SNX30: variants seen among roughly 807,000 people sequenced by gnomAD.
SNX30 encodes sorting nexin family member 30.
SNX30 carries 24 observed loss-of-function variants against 46.4 expected under a neutral mutation model. The ratio of observed to expected loss-of-function variants is 0.52; its 90% confidence interval spans 0.37 to 0.73. The LOEUF is 0.73. Ranked by LOEUF, SNX30 falls within the 30% of genes least tolerant of loss-of-function variation. The pLI is 0.00. For synonymous variants in SNX30, 189 were observed against 211.5 expected, an observed-to-expected ratio of 0.89 and a Z score of 0.92; for missense variants, 533 against 555.7, an observed-to-expected ratio of 0.96 and a Z score of 0.41.
chr9:112,879,906 C>T (rs1316633431), downstream of SNX30: 35 of 1,322,434 alleles, frequency 2.6e-5, no homozygotes, highest in Non-Finnish European at 3.5e-5. Context: ...ATGATAATTA[C>T]AAGCCAGGCT....
intron 1 of SNX30, among the ~76,000 whole-genome samples, chr9:112,774,722 C>T (rs1027569979): frequency 1.3e-4 from 19 of 151,996 alleles, no homozygotes; most frequent in Non-Finnish European, 2.8e-4. Flanking sequence ...TGCTGAGCCT[C>T]TTTCACATGC....
chr9:112,877,216 C>T (rs563481583), downstream of SNX30: 2 of 152,132 alleles, frequency 1.3e-5, no homozygotes, highest in Admixed American at 1.3e-4. Flanking sequence ...AAACTCCTAC[C>T]CTGGTGACAG....
At chr9:112,779,678 C>G in intron 1 of SNX30, among the ~76,000 whole-genome samples, 1 of 152,076 alleles carries the variant, frequency 6.6e-6, no homozygotes. Flanking sequence ...CTGGGTGACA[C>G]AGTGAGACTC....
rs536395067 is a variant in SNX30 at position 112,817,797 on chromosome 9, G to T, written c.441G>T (p.Gln147His). ...DWLRSKLEES[Q>H]PTHLIPPLPE... is the part of the protein sequence containing the mutation. ...TGAGGAGCAAACTGGAAGAATCCCA[G>T]CCCACTCATCTCATTCCCGTAGGTA... The change falls in exon 3 of 9, where the codon CAG becomes CAT. Residue 147 changes from glutamine to histidine, a missense_variant. Transcript: ENST00000374232. 3 of 1,612,070 alleles carry T rather than the reference G, an allele frequency of 1.9e-6. No individual in the cohort carries two copies. Among genetic ancestry groups the T allele is most frequent in the African/African-American group, 2.7e-5 (2 of 74,962 alleles).
At chr9:112,818,680 AAAC>A (rs1840443701) in intron 3 of SNX30, among the ~76,000 whole-genome samples, 1 of 152,214 alleles carries the variant, frequency 6.6e-6, no homozygotes, top group Non-Finnish European at 1.5e-5. Context: ...CTTTCAGCAA[AAAC>A]CTTTGTTGAA....
downstream of SNX30, chr9:112,885,718 G>A (rs949583974): frequency 9.2e-5 from 14 of 152,184 alleles, no homozygotes; most frequent in African/African-American, 3.4e-4. Context: ...ATTAGATGTG[G>A]AGATGATATT....
downstream of SNX30, chr9:112,877,575 G>A (rs1841532990): frequency 6.6e-6 from 1 of 152,498 alleles, no homozygotes; most frequent in Non-Finnish European, 1.5e-5. Flanking sequence ...CCAAATCTGA[G>A]TCATTCTGGC....
chr9:112,763,825 GT>G (rs1839484431), intron 1 of SNX30, among the ~76,000 whole-genome samples: 2 of 150,714 alleles, frequency 1.3e-5, no homozygotes, highest in African/African-American at 4.9e-5. Flanking sequence ...CTCCAGCCTG[GT>G]GACAGAGTGA....
chr9:112,808,777 A>G (rs1840271909), intron 2 of SNX30, among the ~76,000 whole-genome samples: 1 of 152,212 alleles, frequency 6.6e-6, no homozygotes, highest in Non-Finnish European at 1.5e-5. Flanking sequence ...ACATGTTTCT[A>G]TGCTAGGAAA....
chr9:112,753,015 A>G (rs1177638629), intron 1 of SNX30, among the ~76,000 whole-genome samples: 1 of 152,194 alleles, frequency 6.6e-6, no homozygotes, highest in Non-Finnish European at 1.5e-5. Flanking sequence ...CCAGTCTTGT[A>G]TAACTTATCT....
chr9:112,854,389 A>G lies in SNX30; in HGVS notation c.1101+3444A>G, dbSNP rs150646516. Among the ~76,000 whole-genome samples the G allele has an allele frequency of 2.2e-3, 328 of 152,188 alleles. 1 individual carries two copies. Among genetic ancestry groups the G allele is most frequent in the African/African-American group, 7.5e-3 (310 of 41,512 alleles). The stretch of plus-strand genomic sequence containing the variant: ...GCTGTTGTCCGCCTTCCTGGACACT[A>G]CTTACCCACATGGCTCATCCTCTCG... On this transcript the variant is annotated intron_variant, in intron 7 of 8. Coordinates refer to ENST00000374232, the MANE Select transcript of SNX30 (RefSeq NM_001012994.2).
intron 2 of SNX30, among the ~76,000 whole-genome samples, chr9:112,809,117 T>C (rs1434043234): frequency 1.3e-5 from 2 of 150,904 alleles, no homozygotes; most frequent in African/African-American, 4.9e-5. Context: ...GACAGAGTCT[T>C]GCTCTGTTGC....
intron 1 of SNX30, among the ~76,000 whole-genome samples, chr9:112,757,956 T>TC (rs943855325): frequency 2.0e-5 from 3 of 152,154 alleles, no homozygotes; most frequent in African/African-American, 7.2e-5. Flanking sequence ...TCCTGGACAC[T>TC]CCTTCTTTTC....
chr9:112,826,836 A>T (rs1840585794), intron 3 of SNX30, among the ~76,000 whole-genome samples: 1 of 152,214 alleles, frequency 6.6e-6, no homozygotes, highest in Non-Finnish European at 1.5e-5. Context: ...GAATTATCCT[A>T]AAGGACAGCC....
At chr9:112,771,531 G>A (rs1839648884) in intron 1 of SNX30, among the ~76,000 whole-genome samples, 1 of 152,162 alleles carries the variant, frequency 6.6e-6, no homozygotes, top group Non-Finnish European at 1.5e-5. Context: ...AGCCTTGGAA[G>A]GATGCAGCAT....
chr9:112,806,311 G>T (rs1245075247), intron 2 of SNX30, among the ~76,000 whole-genome samples: 1 of 152,100 alleles, frequency 6.6e-6, no homozygotes, highest in Non-Finnish European at 1.5e-5. Context: ...ATTAGGGAGA[G>T]AATTCACATT....
intron 1 of SNX30, among the ~76,000 whole-genome samples, chr9:112,804,523 T>G (rs906481924): frequency 1.3e-5 from 2 of 152,222 alleles, no homozygotes; most frequent in African/African-American, 2.4e-5. Flanking sequence ...AACTGCTTAC[T>G]TATATTGGTT....
intron 2 of SNX30, among the ~76,000 whole-genome samples, chr9:112,813,799 A>AG (rs1335682659): frequency 1.3e-5 from 2 of 152,118 alleles, no homozygotes; most frequent in Admixed American, 6.5e-5. Context: ...AAAAAAAAAA[A>AG]AAGTCTTACC....
At chr9:112,862,347 T>C (rs1841252017) in intron 7 of SNX30, among the ~76,000 whole-genome samples, 1 of 152,148 alleles carries the variant, frequency 6.6e-6, no homozygotes, top group South Asian at 2.1e-4. Flanking sequence ...AAGTTGCTCA[T>C]AGGCACCCTC....
Sources: gnomAD v4.1 joint callset for allele counts (sites outside exome capture counted in the v4.1 genomes callset) on GRCh38, gnomAD v4.1.1 for gene constraint, MANE v1.5 for transcripts, NCBI Gene and HGNC (gene_info 2026-07-23, HGNC 2026-07-21) for gene names.